The following AGBL1 variants were observed in gnomAD, a reference collection of about 807,000 sequenced individuals.
AGBL1 encodes the protein AGBL carboxypeptidase 1, also known as cytosolic carboxypeptidase 4.
In AGBL1, 130 loss-of-function variants were observed where a neutral mutation model predicts 118.9. The ratio of observed to expected loss-of-function variants is 1.09; its 90% CI spans 0.95 to 1.26. The LOEUF is 1.26. Among genes scored for constraint, AGBL1 ranks in the 50% most tolerant of loss-of-function variants. The pLI, the probability that AGBL1 is intolerant of heterozygous loss-of-function variation, is 0.00. For missense variants in AGBL1, 1,584 were observed against 1,298.1 expected, an observed-to-expected ratio of 1.22 and a Z score of -3.38; for synonymous variants, 555 against 478.9, an observed-to-expected ratio of 1.16 and a Z score of -2.08.
chr15:86,568,285 G>T (rs2083947169), intron 21 of AGBL1, among the ~76,000 whole-genome samples: 1 of 152,050 alleles, frequency 6.6e-6, no homozygotes, highest in Non-Finnish European at 1.5e-5. Context: ...TTATTTGTTG[G>T]CTCTGTGTAA....
intron 9 of AGBL1, among the ~76,000 whole-genome samples, chr15:86,259,853 T>C (rs1009603720): frequency 2.0e-5 from 3 of 152,234 alleles, no homozygotes; most frequent in African/African-American, 7.2e-5. Flanking sequence ...ACTTCATGTA[T>C]CTGATGGGGA....
At chr15:86,218,252 G>A (rs1444987774) in intron 5 of AGBL1, among the ~76,000 whole-genome samples, 1 of 152,170 alleles carries the variant, frequency 6.6e-6, no homozygotes, top group Non-Finnish European at 1.5e-5. Flanking sequence ...GGTGTTTGAG[G>A]AAATGATGGA....
intron 22 of AGBL1, among the ~76,000 whole-genome samples, chr15:86,825,187 G>A (rs1010958182): frequency 6.6e-6 from 1 of 151,714 alleles, no homozygotes; most frequent in African/African-American, 2.4e-5. Context: ...TGGTGTAGAA[G>A]CAATTGGACA....
intron 22 of AGBL1, among the ~76,000 whole-genome samples, chr15:86,832,531 T>C (rs1446454990): frequency 1.3e-5 from 2 of 152,184 alleles, no homozygotes; most frequent in East Asian, 3.9e-4. Context: ...AGTTCAAAGT[T>C]TGACAGATTT....
chr15:86,554,230 G>A, intron 20 of AGBL1, 131 bp from the exon 21 acceptor site: 1 of 790,918 alleles, frequency 1.3e-6, no homozygotes, highest in Non-Finnish European at 1.9e-6. Flanking sequence ...CCATTTCTTA[G>A]GGTTAATAAA....
intron 1 of AGBL1, among the ~76,000 whole-genome samples, chr15:86,126,729 T>C (rs1898455624): frequency 1.3e-5 from 2 of 152,230 alleles, no homozygotes; most frequent in South Asian, 2.1e-4. Context: ...AATGAAGACC[T>C]AGGGCATAGG....
At chr15:86,589,367 A>C (rs1317649536) in intron 21 of AGBL1, among the ~76,000 whole-genome samples, 26 of 152,176 alleles carry the variant, frequency 1.7e-4, no homozygotes, top group Admixed American at 1.7e-3. Context: ...ATGGAACTTA[A>C]AGTGGGACCT....
intron 23 of AGBL1, among the ~76,000 whole-genome samples, chr15:86,964,211 A>T (rs1299453354): frequency 6.6e-6 from 1 of 151,972 alleles, no homozygotes; most frequent in Non-Finnish European, 1.5e-5. Flanking sequence ...AGGACTCTTC[A>T]ATCACTCTTT....
At chr15:86,778,184 G>T (rs546551122) in intron 22 of AGBL1, among the ~76,000 whole-genome samples, 1 of 152,144 alleles carries the variant, frequency 6.6e-6, no homozygotes, top group Non-Finnish European at 1.5e-5. Flanking sequence ...ATAGGGTGTG[G>T]GTCACAGAGA....
chr15:86,950,994 C>G (rs2080875680), intron 23 of AGBL1, among the ~76,000 whole-genome samples: 1 of 152,162 alleles, frequency 6.6e-6, no homozygotes, highest in African/African-American at 2.4e-5. Flanking sequence ...AAGGCACTTA[C>G]TCTCAAGTTT....
intron 20 of AGBL1, among the ~76,000 whole-genome samples, chr15:86,550,713 A>T (rs938777148): frequency 5.3e-5 from 8 of 152,098 alleles, no homozygotes; most frequent in Admixed American, 2.6e-4. Flanking sequence ...AACCAAAAAG[A>T]AAATTAGTAT....
At chr15:86,474,558 A>C (rs894792183) in intron 18 of AGBL1, among the ~76,000 whole-genome samples, 1 of 152,224 alleles carries the variant, frequency 6.6e-6, no homozygotes, top group African/African-American at 2.4e-5. Flanking sequence ...AGGCTTGAGT[A>C]GGTAAACAAA....
At chr15:86,498,368 G>A (rs1386405726) in intron 18 of AGBL1, among the ~76,000 whole-genome samples, 3 of 151,788 alleles carry the variant, frequency 2.0e-5, no homozygotes, top group African/African-American at 7.3e-5. Flanking sequence ...TGGTACAGAG[G>A]TTGCACCATA....
chr15:86,116,111 CTA>C (rs1897740953), intron 1 of AGBL1, among the ~76,000 whole-genome samples: 1 of 152,088 alleles, frequency 6.6e-6, no homozygotes, highest in African/African-American at 2.4e-5. Flanking sequence ...TGCCATTGTG[CTA>C]TGTTATTTGC....
chr15:86,876,430 C>T (rs947359989), intron 22 of AGBL1, among the ~76,000 whole-genome samples: 1 of 152,072 alleles, frequency 6.6e-6, no homozygotes, highest in Non-Finnish European at 1.5e-5. Flanking sequence ...GCTGACTCCC[C>T]GAGATGTTCA....
chr15:86,453,480 A>G (rs1281799326), intron 18 of AGBL1, among the ~76,000 whole-genome samples: 1 of 152,202 alleles, frequency 6.6e-6, no homozygotes, highest in East Asian at 1.9e-4. Context: ...ACTTCTCCCT[A>G]CAGCAATTCC....
intron 22 of AGBL1, among the ~76,000 whole-genome samples, chr15:86,838,193 AT>A (rs991469771): frequency 1.3e-5 from 2 of 151,924 alleles, no homozygotes; most frequent in Middle Eastern, 6.8e-3. Context: ...AAAAAAAAAA[AT>A]CTTATGTTTA....
chr15:86,677,601 C>A (rs887344784), intron 22 of AGBL1, among the ~76,000 whole-genome samples: 1 of 152,126 alleles, frequency 6.6e-6, no homozygotes, highest in East Asian at 1.9e-4. Context: ...CCGAGCCCCC[C>A]ACCTCCATTT....
intron 24 of AGBL1, among the ~76,000 whole-genome samples, chr15:86,994,096 T>C (rs73449121): frequency 0.099 from 15,004 of 152,116 alleles, 1,310 homozygotes; most frequent in African/African-American, 0.23. Flanking sequence ...ACTTCAGTCC[T>C]ATGGAGACCA....
Sources: allele counts gnomAD v4.1 joint callset (sites outside exome capture counted in the v4.1 genomes callset), GRCh38; gene constraint gnomAD v4.1.1; transcripts MANE v1.5; gene names NCBI Gene and HGNC (gene_info 2026-07-23, HGNC 2026-07-21).